TMEM163: variants seen among roughly 807,000 people sequenced by gnomAD.
TMEM163 encodes the protein transmembrane protein 163.
A neutral mutation model predicts 29.3 loss-of-function variants in TMEM163; 17 were observed. The ratio of observed to expected loss-of-function variants is 0.58; its 90% confidence interval spans 0.40 to 0.87. TMEM163 has a LOEUF of 0.87. Among genes scored for constraint, TMEM163 ranks in the 40% least tolerant of loss-of-function variants. The pLI is 0.00. For missense variants in TMEM163, 303 were observed against 381.5 expected (o/e 0.79, Z 1.71); for synonymous variants, 157 against 160.6 (o/e 0.98, Z 0.17).
chr2:134,465,066 A>G (rs889230387), intron 6 of TMEM163, among the ~76,000 whole-genome samples: 2 of 151,938 alleles, frequency 1.3e-5, no homozygotes, highest in Non-Finnish European at 2.9e-5. Context: ...TAAAAAAATA[A>G]TCTACCCGGG....
chr2:134,483,115 C>T (rs1004297747), intron 5 of TMEM163, among the ~76,000 whole-genome samples: 2 of 152,188 alleles, frequency 1.3e-5, no homozygotes, highest in African/African-American at 2.4e-5. Flanking sequence ...CACTCTGAGG[C>T]GCTTGGCTGC....
At chr2:134,471,919 T>C (rs1229262250) in intron 5 of TMEM163, among the ~76,000 whole-genome samples, 5 of 152,226 alleles carry the variant, frequency 3.3e-5, no homozygotes, top group Admixed American at 6.5e-5. Flanking sequence ...ATCTCTCATG[T>C]CCCTCAACAG....
In TMEM163 at chr2:134,551,577, C is replaced by G. The variant is rs574571683; in HGVS notation, c.366+471G>C. Among the ~76,000 whole-genome samples the G allele has an allele frequency of 2.6e-5, 4 of 152,264 alleles. No homozygotes were observed. In the East Asian group the frequency reaches 5.8e-4, roughly 22 times the overall value. On this transcript the variant is annotated intron_variant, in intron 3 of 7. Coordinates refer to ENST00000281924, the MANE Select transcript of TMEM163 (RefSeq NM_030923.5). ...AACTTCACCCAATTTCTAAACAGAC[C>G]TAGCCTGTGAAGCAGAGACCCACTT...
intron 2 of TMEM163, among the ~76,000 whole-genome samples, chr2:134,615,134 G>T (rs908255844): frequency 6.6e-6 from 1 of 152,108 alleles, no homozygotes; most frequent in Non-Finnish European, 1.5e-5. Flanking sequence ...AAAAACTATG[G>T]ATGGATTTCA....
intron 2 of TMEM163, among the ~76,000 whole-genome samples, chr2:134,561,349 A>C (rs969223134): frequency 6.6e-6 from 1 of 151,640 alleles, no homozygotes; most frequent in Non-Finnish European, 1.5e-5. Context: ...GACTACAGGC[A>C]CCCACCACCA....
In TMEM163 at chr2:134,460,798, G is replaced by A. The variant is rs995701389; in HGVS notation, c.668-2625C>T. ...GCTATTCCTGACAGCAGGTCCACCA[G>A]GTGTTCCCCGACACCCCACAGCTGA... On this transcript the variant is annotated intron_variant, in intron 6 of 7. Transcript: ENST00000281924. The surrounding 1 kb of genome is among the most constrained non-coding windows in gnomAD (Gnocchi z 4.3). Among the ~76,000 whole-genome samples the A allele has an allele frequency of 2.0e-5, 3 of 152,236 alleles. No individual in the cohort carries two copies. The highest frequency in any genetic ancestry group is 7.2e-5 in the African/African-American group (3 of 41,456).
chr2:134,677,534 G>A (rs780786837), intron 2 of TMEM163, among the ~76,000 whole-genome samples: 22 of 152,188 alleles, frequency 1.4e-4, no homozygotes, highest in African/African-American at 4.3e-4. Context: ...TTCCTCTTGC[G>A]GGGAGCAGGG....
chr2:134,617,690 CA>C (rs914956915), intron 2 of TMEM163, among the ~76,000 whole-genome samples: 4 of 146,788 alleles, frequency 2.7e-5, no homozygotes, highest in Admixed American at 6.8e-5. Flanking sequence ...ACGGGAACAA[CA>C]AAAAAAATGA....
chr2:134,484,161 T>C (rs1432875853), intron 5 of TMEM163, among the ~76,000 whole-genome samples: 2 of 152,028 alleles, frequency 1.3e-5, no homozygotes, highest in East Asian at 1.9e-4. Flanking sequence ...TTTGTGTTTT[T>C]GGCAAAACCA....
chr2:134,519,412 A>G (rs1013938718), intron 4 of TMEM163, among the ~76,000 whole-genome samples: 5 of 152,288 alleles, frequency 3.3e-5, no homozygotes, highest in African/African-American at 1.2e-4. Context: ...GATGTGAGCA[A>G]GCTTTAAAAC....
At chr2:134,677,605 G>A (rs577470326) in intron 2 of TMEM163, among the ~76,000 whole-genome samples, 1 of 152,246 alleles carries the variant, frequency 6.6e-6, no homozygotes, top group African/African-American at 2.4e-5. Flanking sequence ...GACCAGCAGT[G>A]TATAAAAACT....
intron 2 of TMEM163, among the ~76,000 whole-genome samples, chr2:134,633,828 G>A (rs1307523061): frequency 6.6e-6 from 1 of 151,224 alleles, no homozygotes; most frequent in Non-Finnish European, 1.5e-5. Flanking sequence ...TGGGTGTGGT[G>A]GTGTGCGCCT....
intron 5 of TMEM163, among the ~76,000 whole-genome samples, chr2:134,485,850 G>C (rs1395948523): frequency 6.6e-6 from 1 of 152,116 alleles, no homozygotes; most frequent in Non-Finnish European, 1.5e-5. Context: ...GAGAAAGCAA[G>C]AGCACAAGTA....
chr2:134,590,580 G>A (rs894464936), intron 2 of TMEM163, among the ~76,000 whole-genome samples: 1 of 152,200 alleles, frequency 6.6e-6, no homozygotes, highest in Admixed American at 6.5e-5. Flanking sequence ...AGTCCATATA[G>A]TAAAGTGAAA....
intron 2 of TMEM163, among the ~76,000 whole-genome samples, chr2:134,635,884 A>G (rs1683092193): frequency 6.6e-6 from 1 of 152,180 alleles, no homozygotes; most frequent in Admixed American, 6.5e-5. Flanking sequence ...ATCAGCAAGC[A>G]GAGACCCCAT....
At chr2:134,582,844 G>A (rs1033639666) in intron 2 of TMEM163, among the ~76,000 whole-genome samples, 1 of 152,122 alleles carries the variant, frequency 6.6e-6, no homozygotes, top group Non-Finnish European at 1.5e-5. Context: ...AGGAGGAAAG[G>A]TAGGGGGCAG....
At chr2:134,484,232 A>G (rs1053969431) in intron 5 of TMEM163, among the ~76,000 whole-genome samples, 1 of 152,212 alleles carries the variant, frequency 6.6e-6, no homozygotes, top group Non-Finnish European at 1.5e-5. Flanking sequence ...GTGGAGGAAA[A>G]AAAAACACCC....
At chr2:134,655,566 T>C (rs1251627629) in intron 2 of TMEM163, among the ~76,000 whole-genome samples, 1 of 141,614 alleles carries the variant, frequency 7.1e-6, no homozygotes, top group Non-Finnish European at 1.5e-5. Flanking sequence ...TCATTCTCCA[T>C]CCAGCTTTGT....
At chr2:134,597,474 A>T (rs993002976) in intron 2 of TMEM163, among the ~76,000 whole-genome samples, 3 of 152,190 alleles carry the variant, frequency 2.0e-5, no homozygotes, top group African/African-American at 7.2e-5. Context: ...CCACTTGATC[A>T]TGGTGGATGA....
Sources: allele counts gnomAD v4.1 joint callset (sites outside exome capture counted in the v4.1 genomes callset), GRCh38; gene constraint gnomAD v4.1.1; non-coding constraint Gnocchi (gnomAD v3.1); transcripts MANE v1.5; gene names NCBI Gene and HGNC (gene_info 2026-07-23, HGNC 2026-07-21).